Variants in GALNTL6 observed in about 807,000 individuals in gnomAD.
GALNTL6 encodes the protein polypeptide N-acetylgalactosaminyltransferase-like 6.
In GALNTL6, 46 loss-of-function variants were observed where a neutral mutation model predicts 73.7. That is an observed-to-expected ratio of 0.62 (90% CI 0.49 to 0.80). The LOEUF (loss-of-function observed/expected upper bound fraction) is 0.80, where lower values mean the gene tolerates loss of function less well. Ranked by LOEUF, GALNTL6 falls within the 30% of genes least tolerant of loss-of-function variation. The pLI is 0.00. For missense variants in GALNTL6, 604 were observed against 755.0 expected, an observed-to-expected ratio of 0.80 and a Z score of 2.34; for synonymous variants, 259 against 263.7, an observed-to-expected ratio of 0.98 and a Z score of 0.17.
chr4:171,954,234 A>C (rs1738978342), intron 2 of GALNTL6, among the ~76,000 whole-genome samples: 1 of 152,230 alleles, frequency 6.6e-6, no homozygotes, highest in South Asian at 2.1e-4. Context: ...CATGCCAATG[A>C]AGAGTTGTGA....
At chr4:172,673,647 G>A (rs1048058459) in intron 5 of GALNTL6, among the ~76,000 whole-genome samples, 1 of 152,134 alleles carries the variant, frequency 6.6e-6, no homozygotes, top group African/African-American at 2.4e-5. Context: ...TTATAACTCT[G>A]GGTGCTCCTC....
chr4:173,009,913 A>C (rs1262158693), intron 11 of GALNTL6, among the ~76,000 whole-genome samples: 1 of 152,182 alleles, frequency 6.6e-6, no homozygotes, highest in Non-Finnish European at 1.5e-5. Context: ...GGGTACATGA[A>C]ATGTTTTGAT....
intron 10 of GALNTL6, among the ~76,000 whole-genome samples, chr4:172,999,786 A>C (rs1751964572): frequency 2.7e-5 from 4 of 147,216 alleles, no homozygotes; most frequent in Non-Finnish European, 1.5e-5. Flanking sequence ...TATATATATA[A>C]TTTGGATATA....
intron 2 of GALNTL6, among the ~76,000 whole-genome samples, chr4:171,985,223 G>A (rs1205801430): frequency 6.6e-6 from 1 of 152,106 alleles, no homozygotes. Context: ...AGCTTTAATG[G>A]ACTCATAGTT....
chr4:172,098,376 T>C (rs1407640914), intron 2 of GALNTL6, among the ~76,000 whole-genome samples: 4 of 152,034 alleles, frequency 2.6e-5, no homozygotes, highest in Admixed American at 6.6e-5. Flanking sequence ...AAAGAATTAC[T>C]GGGGTTGGTG....
chr4:172,573,102 G>T (rs1369940268), intron 5 of GALNTL6, among the ~76,000 whole-genome samples: 1 of 152,078 alleles, frequency 6.6e-6, no homozygotes, highest in African/African-American at 2.4e-5. Flanking sequence ...TGTCAAATTT[G>T]ATTCCCCTTT....
chr4:172,518,866 A>G (rs188362053), intron 5 of GALNTL6, among the ~76,000 whole-genome samples: 2 of 152,006 alleles, frequency 1.3e-5, no homozygotes. Context: ...TTAGAAGTCA[A>G]TTTGAGTGTA....
At chr4:172,695,508 C>T (rs1264726903) in intron 5 of GALNTL6, among the ~76,000 whole-genome samples, 1 of 152,196 alleles carries the variant, frequency 6.6e-6, no homozygotes, top group Non-Finnish European at 1.5e-5. Context: ...TGAGATGCAG[C>T]TTCACTGTGA....
chr4:172,828,531 A>G (rs1034840867), intron 7 of GALNTL6, among the ~76,000 whole-genome samples: 1 of 152,190 alleles, frequency 6.6e-6, no homozygotes, highest in African/African-American at 2.4e-5. Flanking sequence ...CTTCAAATGT[A>G]TGATCTGATC....
Position 172,336,270 on chromosome 4 carries a change from G to GTTTTTTTTT in GALNTL6, c.387-12249_387-12248insTTTTTTTTT, listed in dbSNP as rs138448149. On this transcript the variant is annotated intron_variant, in intron 4 of 12. Transcript: ENST00000506823. Reference sequence around the variant, plus strand: ...TGAGAACTCTTCTTGGTATAGTTTTGTTTTGTTTTTTTTTTTTTTTGACTG... The same window carrying GTTTTTTTTT: ...TGAGAACTCTTCTTGGTATAGTTTTGTTTTTTTTTTTTTGTTTTTTTTTTTTTTTGACTG... Among the ~76,000 whole-genome samples the GTTTTTTTTT allele has an allele frequency of 8.1e-4, 88 of 108,414 alleles. 22 individuals are homozygous for GTTTTTTTTT. Among genetic ancestry groups the GTTTTTTTTT allele is most frequent in the East Asian group, 2.3e-3 (8 of 3,480 alleles). 71.1% of individuals were successfully genotyped at this position (108,414 alleles called of 152,430 possible). A position where few individuals can be genotyped will look rare whatever the true frequency, so the allele number is the denominator to read the frequency against.
intron 2 of GALNTL6, among the ~76,000 whole-genome samples, chr4:172,006,589 C>A (rs1374861078): frequency 6.6e-6 from 1 of 151,582 alleles, no homozygotes; most frequent in Non-Finnish European, 1.5e-5. Flanking sequence ...ATTATGCTAC[C>A]AAACACCAGC....
intron 2 of GALNTL6, among the ~76,000 whole-genome samples, chr4:172,121,587 T>A (rs1171300862): frequency 6.6e-6 from 1 of 152,150 alleles, no homozygotes; most frequent in Non-Finnish European, 1.5e-5. Flanking sequence ...TCTGGTCTGG[T>A]CCCACATCAG....
intron 3 of GALNTL6, among the ~76,000 whole-genome samples, chr4:172,264,038 T>C (rs1560995895): frequency 1.3e-5 from 2 of 151,040 alleles, no homozygotes; most frequent in African/African-American, 4.9e-5. Context: ...CTACATTTTT[T>C]ATGTTATTTT....
At chr4:172,471,654 T>C (rs984457708) in intron 5 of GALNTL6, among the ~76,000 whole-genome samples, 1 of 152,240 alleles carries the variant, frequency 6.6e-6, no homozygotes, top group African/African-American at 2.4e-5. Context: ...CATTTTTCCT[T>C]TTCTGTATAT....
intron 4 of GALNTL6, among the ~76,000 whole-genome samples, chr4:172,327,616 T>C (rs1234848141): frequency 1.3e-5 from 2 of 152,180 alleles, no homozygotes; most frequent in African/African-American, 2.4e-5. Context: ...TTGGTTGTTG[T>C]TGAATTGAAC....
chr4:172,901,305 A>C (rs17319155), intron 8 of GALNTL6, among the ~76,000 whole-genome samples: 6,286 of 152,282 alleles, frequency 0.041, 171 homozygotes, highest in Non-Finnish European at 0.067. Flanking sequence ...AGACAAGAAG[A>C]ATTTTCTGTG....
intron 10 of GALNTL6, among the ~76,000 whole-genome samples, chr4:172,964,863 C>A (rs1373120439): frequency 6.6e-6 from 1 of 152,216 alleles, no homozygotes; most frequent in Non-Finnish European, 1.5e-5. Context: ...TTCTGCACAA[C>A]GAGCGAGGCT....
chr4:172,549,734 G>A (rs778319520), intron 5 of GALNTL6, among the ~76,000 whole-genome samples: 5 of 152,014 alleles, frequency 3.3e-5, no homozygotes, highest in Non-Finnish European at 7.4e-5. Flanking sequence ...CTATTTTTAA[G>A]TACAAAAGTA....
intron 8 of GALNTL6, among the ~76,000 whole-genome samples, chr4:172,884,770 T>C (rs1037508109): frequency 2.6e-5 from 4 of 152,194 alleles, no homozygotes; most frequent in Non-Finnish European, 4.4e-5. Flanking sequence ...AGCTAAGTCT[T>C]TAATCTATTT....
Sources: gnomAD v4.1 joint callset for allele counts (sites outside exome capture counted in the v4.1 genomes callset) on GRCh38, gnomAD v4.1.1 for gene constraint, MANE v1.5 for transcripts, NCBI Gene and HGNC (gene_info 2026-07-23, HGNC 2026-07-21) for gene names.